The following FLT1 variants were observed in gnomAD, a reference collection of about 807,000 sequenced individuals.
FLT1 encodes vascular endothelial growth factor receptor 1.
Under a neutral mutation model 156.3 loss-of-function variants are expected in FLT1, and 49 were observed. The observed-to-expected ratio is 0.31, with a 90% CI of 0.25 to 0.40. The LOEUF (loss-of-function observed/expected upper bound fraction) is 0.40. Among genes scored for constraint, FLT1 ranks in the 10% least tolerant of loss-of-function variants. The pLI is 1.00. For synonymous variants in FLT1, 594 were observed against 583.8 expected (o/e 1.02, Z -0.25); for missense variants, 1,322 against 1,637.2 (o/e 0.81, Z 3.32).
At chr13:28,328,040 G>A (rs2138838587) in intron 19 of FLT1, among the ~76,000 whole-genome samples, 1 of 152,270 alleles carries the variant, frequency 6.6e-6, no homozygotes, top group Admixed American at 6.5e-5. Flanking sequence ...AGGATCTACA[G>A]TAGGAATCGG....
chr13:28,451,211 T>G (rs998826794), intron 3 of FLT1, among the ~76,000 whole-genome samples: 5 of 152,046 alleles, frequency 3.3e-5, no homozygotes, highest in Admixed American at 2.6e-4. Context: ...CTGCCTGAGC[T>G]CAGGAGTTCG....
chr13:28,365,964 T>G (rs1415501071), intron 14 of FLT1, among the ~76,000 whole-genome samples: 1 of 152,168 alleles, frequency 6.6e-6, no homozygotes, highest in African/African-American at 2.4e-5. Flanking sequence ...GATAAAATAA[T>G]GGAAGGGGGA....
chr13:28,321,189 C>T (rs1871444110), intron 23 of FLT1, among the ~76,000 whole-genome samples: 1 of 152,174 alleles, frequency 6.6e-6, no homozygotes. Context: ...CCAGGCCCCA[C>T]CAAACACTTC....
rs1319869403 is a variant in FLT1 at position 28,494,857 on chromosome 13, C to T, written c.-14G>A. 1.3e-6 allele frequency: 2 copies of T among 1,538,020 alleles called. No homozygotes were observed. The highest frequency in any genetic ancestry group is 1.7e-6 in the Non-Finnish European group (2 of 1,148,406). On this transcript the variant is annotated 5_prime_UTR_variant, in exon 1 of 30. Transcript: ENST00000282397. The stretch of plus-strand genomic sequence containing the variant: ...GTAGCTGACCATGGTGAGCGCGACG[C>T]GGCCTGCTCGCCCGGTGCCCGCGCT...
intron 1 of FLT1, among the ~76,000 whole-genome samples, chr13:28,473,815 A>AACCC (rs1880375189): frequency 7.8e-6 from 1 of 128,890 alleles, no homozygotes; most frequent in Non-Finnish European, 1.6e-5. Context: ...AGAAAGAAAG[A>AACCC]AAGAAAGAAA....
intron 3 of FLT1, among the ~76,000 whole-genome samples, chr13:28,462,324 G>T (rs1879625004): frequency 6.6e-6 from 1 of 152,132 alleles, no homozygotes; most frequent in Non-Finnish European, 1.5e-5. Context: ...CTGACCTGGA[G>T]CCCATTTCCT....
intron 10 of FLT1, among the ~76,000 whole-genome samples, chr13:28,416,141 T>C (rs538911288): frequency 4.6e-5 from 7 of 152,354 alleles, no homozygotes; most frequent in South Asian, 2.1e-4. Context: ...ATGATGTCAG[T>C]GCTGTTAACT....
chr13:28,388,469 T>C (rs975301270), intron 13 of FLT1: 2 of 1,039,680 alleles, frequency 1.9e-6, no homozygotes, highest in African/African-American at 1.7e-5. Flanking sequence ...TTTTTTTAAA[T>C]AGTTTATGCA....
At chr13:28,442,761 T>C (rs1029947628) in intron 3 of FLT1, among the ~76,000 whole-genome samples, 13 of 151,910 alleles carry the variant, frequency 8.6e-5, no homozygotes, top group African/African-American at 3.1e-4. Context: ...TCTCTGGGCT[T>C]ATTAATAGTA....
chr13:28,325,552 C>A (rs1229554452), intron 20 of FLT1, among the ~76,000 whole-genome samples: 2 of 152,156 alleles, frequency 1.3e-5, no homozygotes, highest in Non-Finnish European at 2.9e-5. Flanking sequence ...CGGTGGCTCA[C>A]ACCTGTAATC....
intron 10 of FLT1, among the ~76,000 whole-genome samples, chr13:28,426,204 T>C (rs1767862744): frequency 7.1e-6 from 1 of 141,104 alleles, no homozygotes; most frequent in African/African-American, 2.7e-5. Context: ...ATAAGGAAAA[T>C]AGTTTGGCAT....
intron 1 of FLT1, among the ~76,000 whole-genome samples, chr13:28,471,000 A>G (rs1000494696): frequency 1.3e-5 from 2 of 152,118 alleles, no homozygotes; most frequent in Non-Finnish European, 2.9e-5. Flanking sequence ...AAGAAGTGCT[A>G]TTTAGAGAAG....
Position 28,438,328 on chromosome 13 carries a change from C to T in FLT1, c.406G>A (p.Val136Ile), listed in dbSNP as rs373801409. 74 of 1,610,384 alleles carry T rather than the reference C, an allele frequency of 4.6e-5. No homozygotes were observed. Among genetic ancestry groups the T allele is most frequent in the Non-Finnish European group, 5.4e-5 (64 of 1,176,716 alleles). ...IFISDTGRPF[V>I]EMYSEIPEII... ...TCGGGGATTTCACTGTACATCTCTACGAAAGGTCTACCTGTATCTGAATGA... is the reference window on the plus strand; with the variant it reads ...TCGGGGATTTCACTGTACATCTCTATGAAAGGTCTACCTGTATCTGAATGA... Residue 136 changes from valine to isoleucine, a missense_variant, in exon 4 of 30, where the codon GTA (valine) becomes ATA (isoleucine). Transcript: ENST00000282397.
chr13:28,387,257 C>T (rs1296093347), intron 13 of FLT1: 1 of 1,040,486 alleles, frequency 9.6e-7, no homozygotes. Context: ...TCTTTGTACC[C>T]ATTTCTGAAA....
chr13:28,338,390 A>G (rs1035400847), intron 17 of FLT1, among the ~76,000 whole-genome samples: 40 of 152,220 alleles, frequency 2.6e-4, no homozygotes, highest in Admixed American at 2.2e-3. Context: ...AGAAGCCACA[A>G]TCCAAACATT....
rs1256173877 is a variant in FLT1, at chr13:28,311,651, C to A, written c.3574G>T (p.Asp1192Tyr). Reference sequence around the variant, plus strand: ...GCTGAAATACTTTCCTTGAAGAAGTCCTCAGAGAAGGCAGGAGTTGAGTAT... The same window carrying A: ...GCTGAAATACTTTCCTTGAAGAAGTACTCAGAGAAGGCAGGAGTTGAGTAT... The part of the protein sequence containing the change: ...FTYSTPAFSE[D>Y]FFKESISAPK... Residue 1192 changes from aspartate to tyrosine, a missense_variant, in exon 27 of 30, where the codon GAC becomes TAC. Coordinates refer to ENST00000282397, the MANE Select transcript of FLT1 (RefSeq NM_002019.4). The A allele has an allele frequency of 6.2e-7, 1 of 1,613,776 alleles. No individual in the cohort carries two copies.
At chr13:28,385,837 C>A in intron 13 of FLT1, 1 of 1,052,724 alleles carries the variant, frequency 9.5e-7, no homozygotes, top group Non-Finnish European at 1.1e-6. Flanking sequence ...AGCAGTACCC[C>A]CAAGGCCCCC....
chr13:28,324,839 G>C (rs1279947809), intron 20 of FLT1, among the ~76,000 whole-genome samples: 1 of 152,138 alleles, frequency 6.6e-6, no homozygotes, highest in African/African-American at 2.4e-5. Flanking sequence ...CAAAACTCAG[G>C]CTCTCTCACT....
At chr13:28,313,370 A>G (rs752954820) in intron 25 of FLT1, among the ~76,000 whole-genome samples, 2 of 152,198 alleles carry the variant, frequency 1.3e-5, no homozygotes, top group Non-Finnish European at 2.9e-5. Flanking sequence ...CCTCTCTGAA[A>G]AACACAGGCC....
Sources: gnomAD v4.1 joint callset for allele counts (sites outside exome capture counted in the v4.1 genomes callset) on GRCh38, gnomAD v4.1.1 for gene constraint, MANE v1.5 for transcripts, NCBI Gene and HGNC (gene_info 2026-07-23, HGNC 2026-07-21) for gene names.